Variants in UBE2E2 observed in about 807,000 individuals in gnomAD.
UBE2E2 encodes ubiquitin-conjugating enzyme E2 E2.
A neutral mutation model predicts 24.7 loss-of-function variants in UBE2E2; 6 were observed. The observed-to-expected ratio is 0.24, with a 90% CI of 0.13 to 0.48. The LOEUF is 0.48. UBE2E2 is among the 20% of genes least tolerant of loss of function. UBE2E2 has a pLI of 0.99. For synonymous variants in UBE2E2, 104 were observed against 83.6 expected (o/e 1.24, Z -1.33); for missense variants, 169 against 245.0 (o/e 0.69, Z 2.07).
chr3:23,314,433 GTTA>G (rs1461048357), intron 3 of UBE2E2, among the ~76,000 whole-genome samples: 2 of 55,156 alleles, frequency 3.6e-5, no homozygotes, highest in Non-Finnish European at 7.0e-5. Flanking sequence ...GCCCGCCATA[GTTA>G]TTATTTTTGT....
intron 4 of UBE2E2, among the ~76,000 whole-genome samples, chr3:23,507,349 G>A (rs569184245): frequency 6.6e-6 from 1 of 152,176 alleles, no homozygotes; most frequent in East Asian, 1.9e-4. Flanking sequence ...ATATTTCTTT[G>A]TTTATTTATT....
chr3:23,579,242 A>G (rs112130825), intron 5 of UBE2E2, among the ~76,000 whole-genome samples: 8,238 of 152,172 alleles, frequency 0.054, 325 homozygotes, highest in East Asian at 0.14. Context: ...AAAATTAGCC[A>G]GGCATGATGG....
At chr3:23,335,540 G>A (rs1032630424) in intron 3 of UBE2E2, among the ~76,000 whole-genome samples, 13 of 152,192 alleles carry the variant, frequency 8.5e-5, no homozygotes, top group East Asian at 3.9e-4. Flanking sequence ...TTTAAAAAAG[G>A]TTTTTTAAGA....
chr3:23,260,190 A>T (rs1249431383), intron 3 of UBE2E2, among the ~76,000 whole-genome samples: 10 of 152,212 alleles, frequency 6.6e-5, no homozygotes, highest in Non-Finnish European at 1.5e-4. Flanking sequence ...ACACATTATA[A>T]ATAAGCCTAA....
intron 3 of UBE2E2, among the ~76,000 whole-genome samples, chr3:23,412,368 G>A (rs980681771): frequency 6.6e-5 from 10 of 151,762 alleles, no homozygotes; most frequent in South Asian, 2.1e-4. Flanking sequence ...GTTAAATTTC[G>A]TAGTAGTGAC....
At chr3:23,395,371 T>A (rs1485406448) in intron 3 of UBE2E2, among the ~76,000 whole-genome samples, 2 of 152,172 alleles carry the variant, frequency 1.3e-5, no homozygotes, top group Non-Finnish European at 2.9e-5. Flanking sequence ...GCAATTGGAG[T>A]CATTCTGTTT....
At chr3:23,538,636 A>G (rs1695319681) in intron 5 of UBE2E2, among the ~76,000 whole-genome samples, 1 of 152,152 alleles carries the variant, frequency 6.6e-6, no homozygotes. Flanking sequence ...AAATAATGCT[A>G]TTCATAATGT....
chr3:23,511,567 T>G (rs1694595057), intron 4 of UBE2E2, among the ~76,000 whole-genome samples: 1 of 152,182 alleles, frequency 6.6e-6, no homozygotes, highest in African/African-American at 2.4e-5. Context: ...GTTAAAACCC[T>G]AGATAGAATA....
rs145112278 is a variant in UBE2E2 at position 23,362,624 on chromosome 3, C to T, written c.228-136984C>T. Among the ~76,000 whole-genome samples, 23 of 152,198 alleles carry T rather than the reference C, an allele frequency of 1.5e-4. 2 individuals carry two copies. In the East Asian group the frequency reaches 4.3e-3, roughly 28 times the overall value. On this transcript the variant is annotated intron_variant, in intron 3 of 5. Transcript: ENST00000396703. ...GACCCAGATGGCAGGGTGGGCCACC[C>T]TACCCACCCCTGCCACAGGTAGCCA...
intron 4 of UBE2E2, among the ~76,000 whole-genome samples, chr3:23,522,245 C>T (rs1026408480): frequency 1.7e-4 from 25 of 151,466 alleles, no homozygotes; most frequent in Non-Finnish European, 3.1e-4. Context: ...GTTCTCCTGC[C>T]TCAGCCTCCG....
chr3:23,442,055 T>C (rs781558866), intron 3 of UBE2E2, among the ~76,000 whole-genome samples: 1 of 152,304 alleles, frequency 6.6e-6, no homozygotes, highest in South Asian at 2.1e-4. Flanking sequence ...GATTGTAACT[T>C]TGGACTTATG....
In UBE2E2 at chr3:23,589,639, T is replaced by C; in HGVS notation, c.509-95T>C. ...TGGTCCAGGTTAGAACAGCAGCTTC[T>C]CATCTCCTACCCTCCCACTCCTTGC... On this transcript the variant is annotated intron_variant, in intron 5 of 5. Coordinates refer to ENST00000396703, the MANE Select transcript of UBE2E2 (RefSeq NM_152653.4). This position sits in a 1 kb window ranked among gnomAD's most constrained non-coding sequence, Gnocchi z 4.1. 1.5e-6 allele frequency: 2 copies of C among 1,291,966 alleles called. No individual in the cohort carries two copies. Among genetic ancestry groups the C allele is most frequent in the Non-Finnish European group, 2.2e-6 (2 of 906,732 alleles). 80.0% of individuals were successfully genotyped at this position (1,291,966 alleles called of 1,614,324 possible).
chr3:23,490,798 T>C (rs1024425201), intron 3 of UBE2E2, among the ~76,000 whole-genome samples: 5 of 152,230 alleles, frequency 3.3e-5, no homozygotes, highest in Non-Finnish European at 5.9e-5. Flanking sequence ...TGCTAAGTTG[T>C]TGACAGTGAT....
At chr3:23,320,634 A>G (rs1371844547) in intron 3 of UBE2E2, among the ~76,000 whole-genome samples, 1 of 152,222 alleles carries the variant, frequency 6.6e-6, no homozygotes, top group Non-Finnish European at 1.5e-5. Context: ...CAGAAAGGTT[A>G]CGTATTTGGC....
chr3:23,371,697 A>G (rs1468076569), intron 3 of UBE2E2, among the ~76,000 whole-genome samples: 1 of 152,230 alleles, frequency 6.6e-6, no homozygotes, highest in East Asian at 1.9e-4. Context: ...ATTGAGAATA[A>G]CTAGAGAATG....
intron 3 of UBE2E2, among the ~76,000 whole-genome samples, chr3:23,350,334 C>T (rs1695704553): frequency 6.6e-6 from 1 of 152,216 alleles, no homozygotes; most frequent in Non-Finnish European, 1.5e-5. Flanking sequence ...AGCACCTCTC[C>T]TCCTCCAAAG....
intron 3 of UBE2E2, among the ~76,000 whole-genome samples, chr3:23,400,864 A>G (rs1014458887): frequency 2.0e-4 from 31 of 151,616 alleles, no homozygotes; most frequent in African/African-American, 6.6e-4. Flanking sequence ...ACTTAAGGCT[A>G]TTCTGGGTAC....
At chr3:23,387,223 G>A (rs1696823860) in intron 3 of UBE2E2, among the ~76,000 whole-genome samples, 1 of 152,164 alleles carries the variant, frequency 6.6e-6, no homozygotes, top group Non-Finnish European at 1.5e-5. Context: ...GATTTCTGTG[G>A]TTACAGGGCA....
chr3:23,228,925 A>G (rs1273350041), intron 3 of UBE2E2, among the ~76,000 whole-genome samples: 1 of 152,198 alleles, frequency 6.6e-6, no homozygotes, highest in Non-Finnish European at 1.5e-5. Context: ...TGAAATGACC[A>G]AAGGAGAGGC....
Sources: gnomAD v4.1 joint callset for allele counts (sites outside exome capture counted in the v4.1 genomes callset) on GRCh38, gnomAD v4.1.1 for gene constraint, Gnocchi (gnomAD v3.1) non-coding constraint, MANE v1.5 for transcripts, NCBI Gene and HGNC (gene_info 2026-07-23, HGNC 2026-07-21) for gene names.